The following COL21A1 variants were observed in gnomAD, a reference collection of about 807,000 sequenced individuals.
COL21A1 encodes collagen alpha-1(XXI) chain.
COL21A1 carries 149 observed loss-of-function variants against 137.9 expected under a neutral mutation model. The ratio of observed to expected loss-of-function variants is 1.08; its 90% confidence interval spans 0.95 to 1.24. The LOEUF is 1.24. Among genes scored for constraint, COL21A1 ranks in the 50% most tolerant of loss-of-function variants. COL21A1 has a pLI of 0.00. For missense variants in COL21A1, 1,167 were observed against 1,158.4 expected, an observed-to-expected ratio of 1.01 and a Z score of -0.11; for synonymous variants, 456 against 391.5, an observed-to-expected ratio of 1.16 and a Z score of -1.95.
chr6:56,155,013 C>T (rs914950498), intron 10 of COL21A1, among the ~76,000 whole-genome samples: 11 of 152,092 alleles, frequency 7.2e-5, no homozygotes, highest in Admixed American at 5.2e-4. Flanking sequence ...AATTTCATCA[C>T]CCAGGTATTA....
intron 1 of COL21A1, among the ~76,000 whole-genome samples, chr6:56,320,966 T>C (rs1335520691): frequency 6.6e-6 from 1 of 152,152 alleles, no homozygotes; most frequent in African/African-American, 2.4e-5. Flanking sequence ...CCTAGAACTG[T>C]GCCTGGACAC....
chr6:56,130,177 A>ATT (rs1303964541), intron 12 of COL21A1, among the ~76,000 whole-genome samples: 1 of 24,770 alleles, frequency 4.0e-5, no homozygotes, highest in African/African-American at 1.3e-4. Flanking sequence ...ATATATATAT[A>ATT]TATATATATA....
chr6:56,194,349 CAT>C (rs528176846), intron 1 of COL21A1, among the ~76,000 whole-genome samples: 36 of 152,234 alleles, frequency 2.4e-4, no homozygotes, highest in Admixed American at 5.2e-4. Context: ...TCATTATACA[CAT>C]GTTTATGTAC....
At chr6:56,326,263 G>T (rs1161406521) in intron 1 of COL21A1, among the ~76,000 whole-genome samples, 1 of 150,770 alleles carries the variant, frequency 6.6e-6, no homozygotes, top group Non-Finnish European at 1.5e-5. Flanking sequence ...TGAACATACT[G>T]AAAGTAATCA....
chr6:56,337,499 T>C (rs1037507839), intron 1 of COL21A1, among the ~76,000 whole-genome samples: 2 of 152,222 alleles, frequency 1.3e-5, no homozygotes, highest in African/African-American at 2.4e-5. Context: ...TTAATTCTTA[T>C]TCTCAACCAC....
In COL21A1 at chr6:56,244,756, G is replaced by A. The variant is rs191262047; in HGVS notation, c.-39+2631C>T. Reference sequence around the variant, plus strand: ...AGATGAGTCATAAAAGGCATTCTCAGTAATACACTATTCAACTTATCGCTA... The same window carrying A: ...AGATGAGTCATAAAAGGCATTCTCAATAATACACTATTCAACTTATCGCTA... On this transcript the variant is annotated intron_variant, in intron 1 of 29. Transcript: ENST00000244728. Among the ~76,000 whole-genome samples, 530 of 152,212 alleles carry A rather than the reference G, an allele frequency of 3.5e-3. 4 individuals carry two copies. The highest frequency in any genetic ancestry group is 0.011 in the African/African-American group (463 of 41,548).
exon 1 of COL21A1, chr6:56,394,056 T>C (rs1359005537): frequency 6.6e-6 from 1 of 152,180 alleles, no homozygotes; most frequent in African/African-American, 2.4e-5. Context: ...ATTCGTAATA[T>C]AATCTTTGAG....
chr6:56,299,401 G>A lies in COL21A1; in HGVS notation c.-39+94570C>T, dbSNP rs1420503378. 5.3e-5 allele frequency among the ~76,000 whole-genome samples: 8 copies of A among 152,226 alleles called. No individual in the cohort carries two copies. The East Asian group carries it at 1.5e-3, about 29-fold the overall frequency. ...CAAAGCATTGTGATTCAGGTCCATT[G>A]CATGGACAAATTAGCTGTGGTTCTT... On this transcript the variant is annotated intron_variant, in intron 1 of 28. Transcript: ENST00000370819.
intron 1 of COL21A1, among the ~76,000 whole-genome samples, chr6:56,283,712 C>T (rs571914645): frequency 2.6e-5 from 4 of 152,148 alleles, no homozygotes; most frequent in South Asian, 4.2e-4. Flanking sequence ...GCAAACTTCA[C>T]GAAGCTATGA....
At chr6:56,148,102 GTCATTTCTT>G (rs1360824101) in intron 10 of COL21A1, among the ~76,000 whole-genome samples, 1 of 152,086 alleles carries the variant, frequency 6.6e-6, no homozygotes, top group Non-Finnish European at 1.5e-5. Flanking sequence ...AGGCAGGACT[GTCATTTCTT>G]TCAATACAGT....
intron 1 of COL21A1, among the ~76,000 whole-genome samples, chr6:56,387,907 G>A (rs1474443708): frequency 6.6e-6 from 1 of 152,150 alleles, no homozygotes; most frequent in Non-Finnish European, 1.5e-5. Context: ...AGTGGACCTG[G>A]GGTACACATG....
intron 1 of COL21A1, chr6:56,276,624 T>G: frequency 2.1e-6 from 3 of 1,437,876 alleles, no homozygotes; most frequent in Non-Finnish European, 2.9e-6. Flanking sequence ...AGTTTATATT[T>G]CTCAAAATCA....
chr6:56,068,304 T>C (rs1327564243), intron 22 of COL21A1, among the ~76,000 whole-genome samples: 1 of 151,528 alleles, frequency 6.6e-6, no homozygotes, highest in Non-Finnish European at 1.5e-5. Context: ...ACATAAGAGT[T>C]TGTGTCTTTT....
chr6:56,113,955 G>A (rs545112061), intron 16 of COL21A1, among the ~76,000 whole-genome samples: 10 of 152,284 alleles, frequency 6.6e-5, no homozygotes, highest in African/African-American at 2.4e-4. Flanking sequence ...GGTGGTGGTG[G>A]ATATGAGGTG....
intron 17 of COL21A1, among the ~76,000 whole-genome samples, chr6:56,079,334 T>G (rs1767536961): frequency 6.6e-6 from 1 of 151,768 alleles, no homozygotes; most frequent in South Asian, 2.1e-4. Context: ...GTGTCAGACC[T>G]GAGAAGCTGA....
rs769090656 is a variant in COL21A1, at chr6:56,141,927, T to C, written c.1488+3A>G. ...ATAAAATGTATATAAGTGGATCACA[T>C]ACTTGTATTCCTGGAGATCCTGGAA... is the stretch of plus-strand genomic sequence containing the variant. On this transcript the variant is annotated splice_donor_region_variant and intron_variant, in intron 11 of 29. Transcript: ENST00000244728. The C allele has an allele frequency of 2.6e-6, 4 of 1,554,058 alleles. No individual in the cohort carries two copies. The highest frequency in any genetic ancestry group is 1.2e-5 in the South Asian group (1 of 84,686).
intron 1 of COL21A1, among the ~76,000 whole-genome samples, chr6:56,298,342 G>A (rs541755470): frequency 2.0e-5 from 3 of 152,142 alleles, no homozygotes; most frequent in Admixed American, 1.3e-4. Context: ...AAGTCAGGGT[G>A]GTGTCGTGTA....
chr6:56,126,047 G>T (rs1248193542), intron 13 of COL21A1, 49 bp downstream of exon 13: 4 of 1,111,590 alleles, frequency 3.6e-6, no homozygotes, highest in Non-Finnish European at 5.1e-6. Flanking sequence ...CTTTATATTT[G>T]AATTAAAAAA....
At chr6:56,133,987 A>C (rs948195946) in intron 12 of COL21A1, among the ~76,000 whole-genome samples, 3 of 152,192 alleles carry the variant, frequency 2.0e-5, no homozygotes, top group Non-Finnish European at 4.4e-5. Context: ...GCAGTGAGGA[A>C]GGGAAATGTG....
Sources: gnomAD v4.1 joint callset for allele counts (sites outside exome capture counted in the v4.1 genomes callset) on GRCh38, gnomAD v4.1.1 for gene constraint, MANE v1.5 for transcripts, NCBI Gene and HGNC (gene_info 2026-07-23, HGNC 2026-07-21) for gene names.